The following DCLRE1C variants were observed in gnomAD, a reference collection of about 807,000 sequenced individuals.
DCLRE1C encodes the protein protein artemis.
Under a neutral mutation model 61.4 loss-of-function variants are expected in DCLRE1C, and 47 were observed. That is an observed-to-expected ratio of 0.77 (90% CI 0.61 to 0.98). The LOEUF is 0.98. Ranked by LOEUF, DCLRE1C falls within the 50% of genes least tolerant of loss-of-function variation. DCLRE1C has a pLI of 0.00. For synonymous variants in DCLRE1C, 337 were observed against 287.6 expected (o/e 1.17, Z -1.74); for missense variants, 858 against 816.0 (o/e 1.05, Z -0.63).
In DCLRE1C at chr10:14,934,709, T is replaced by G; in HGVS notation, c.531A>C (p.Pro177=). Residue 177 remains proline, a synonymous_variant, in exon 7 of 14, where the codon CCA becomes CCC. Transcript: ENST00000378278. ...TFCDPRFYQI[P]SREECLSGVL... Reference sequence around the variant, plus strand: ...TTCCTCCAGGCAGACTTACCCGACTTGGAATTTGGTAAAATCTTGGATCAC... The same window carrying G: ...TTCCTCCAGGCAGACTTACCCGACTGGGAATTTGGTAAAATCTTGGATCAC... 1 of 1,613,966 alleles carries G rather than the reference T, an allele frequency of 6.2e-7. No individual in the cohort carries two copies. The highest frequency in any genetic ancestry group is 8.5e-7 in the Non-Finnish European group (1 of 1,179,834).
chr10:14,908,367 G>C lies in DCLRE1C; in HGVS notation c.*41C>G. ...TAATATTGACTGTCATCTCTGTGCA[G>C]GTTTTTTAGTGGTTGCTCTAGGTTG... is the stretch of plus-strand genomic sequence containing the variant. On this transcript the variant is annotated 3_prime_UTR_variant, in exon 14 of 14. Transcript: ENST00000378278. 1 of 1,463,376 alleles carries C rather than the reference G, an allele frequency of 6.8e-7. No homozygotes were observed. The highest frequency in any genetic ancestry group is 9.6e-7 in the Non-Finnish European group (1 of 1,045,672). 90.6% of individuals were successfully genotyped at this position (1,463,376 alleles called of 1,614,324 possible).
chr10:14,953,867 G>T, intron 1 of DCLRE1C, 35 bp downstream of exon 1: 1 of 1,612,420 alleles, frequency 6.2e-7, no homozygotes, highest in South Asian at 1.1e-5. Context: ...AGCCCCCAGC[G>T]CCCCGGGAGC....
Position 14,942,750 on chromosome 10 carries a change from C to T in DCLRE1C, c.246+2355G>A, listed in dbSNP as rs558748581. Reference sequence around the variant, plus strand: ...TGGACATGCCTGGTTTGAACTTCGCCTTAGTGCTAAGGCAGGCATGGGCCT... The same window carrying T: ...TGGACATGCCTGGTTTGAACTTCGCTTTAGTGCTAAGGCAGGCATGGGCCT... On this transcript the variant is annotated intron_variant, in intron 3 of 13. Coordinates refer to ENST00000378278, the MANE Select transcript of DCLRE1C (RefSeq NM_001033855.3). 5.6e-3 allele frequency among the ~76,000 whole-genome samples: 855 copies of T among 152,248 alleles called. 5 individuals carry two copies. The highest frequency in any genetic ancestry group is 0.019 in the African/African-American group (796 of 41,556).
rs1837395942 is a variant in DCLRE1C, at chr10:14,923,130, G to C, written c.973-61C>G. On this transcript the variant is annotated intron_variant, in intron 11 of 13. Coordinates refer to ENST00000378278, the MANE Select transcript of DCLRE1C (RefSeq NM_001033855.3). ...TACGATGAAACAGGTTGTTAGGGGA[G>C]ATAAAGGGAGGCTGGGGAAAGAGAA... is the stretch of plus-strand genomic sequence containing the variant. The C allele has an allele frequency of 2.0e-5, 25 of 1,271,630 alleles. No individual in the cohort carries two copies. In the East Asian group the frequency reaches 5.9e-4, roughly 30 times the overall value. The allele number at this position is 1,271,630 out of a possible 1,614,324, so 78.8% of individuals were successfully genotyped here.
At chr10:14,919,960 C>A in intron 12 of DCLRE1C, 128 bp from the exon 13 acceptor site, 1 of 756,580 alleles carries the variant, frequency 1.3e-6, no homozygotes, top group Non-Finnish European at 2.3e-6. Flanking sequence ...TTAACAAAAT[C>A]TTGACCATAA....
In DCLRE1C at chr10:14,905,365, A is replaced by G. The variant is rs1564352310; in HGVS notation, c.*3043T>C. Among the ~76,000 whole-genome samples the G allele has an allele frequency of 6.6e-6, 1 of 152,264 alleles. No individual in the cohort carries two copies. Among genetic ancestry groups the G allele is most frequent in the Admixed American group, 6.5e-5 (1 of 15,288 alleles). On this transcript the variant is annotated 3_prime_UTR_variant, in exon 14 of 14. Transcript: ENST00000378278. ...CACTCACCAGGTACGTAAACATACT[A>G]TGGTAAGTACTGCCTAGAAATGCAA...
chr10:14,908,441 G>T lies in DCLRE1C; in HGVS notation c.2046C>A (p.Val682=). The T allele has an allele frequency of 6.2e-7, 1 of 1,613,126 alleles. No homozygotes were observed. Among genetic ancestry groups the T allele is most frequent in the Non-Finnish European group, 8.5e-7 (1 of 1,179,798 alleles). Residue 682 remains valine, a synonymous_variant, in exon 14 of 14, where the codon GTC becomes GTA. Coordinates refer to ENST00000378278, the MANE Select transcript of DCLRE1C (RefSeq NM_001033855.3). ...EKLATGESIA[V]KKRKCSLLDT Reference sequence around the variant, plus strand: ...CTAAGAGTGAGCATTTTCTTTTTTTGACTGCTATACTCTCACCAGTTGCCA... The same window carrying T: ...CTAAGAGTGAGCATTTTCTTTTTTTTACTGCTATACTCTCACCAGTTGCCA...
intron 11 of DCLRE1C, 138 bp from the exon 12 acceptor site, chr10:14,923,207 A>G (rs973674372): frequency 1.4e-6 from 1 of 692,870 alleles, no homozygotes; most frequent in Non-Finnish European, 2.6e-6. Flanking sequence ...CGTGGGGATC[A>G]CCAGGGACCT....
At chr10:14,937,712 G>C (rs899214557) in intron 4 of DCLRE1C, among the ~76,000 whole-genome samples, 22 of 151,942 alleles carry the variant, frequency 1.4e-4, no homozygotes, top group Non-Finnish European at 2.9e-4. Context: ...CCAACATGGC[G>C]AAACCCTGTC....
chr10:14,949,834 C>A (rs1006278743), intron 1 of DCLRE1C, among the ~76,000 whole-genome samples: 11 of 145,974 alleles, frequency 7.5e-5, no homozygotes, highest in African/African-American at 2.8e-4. Context: ...CACCTGAGGT[C>A]AGAAGTTCAA....
rs1424239810 is a variant in DCLRE1C at position 14,904,646 on chromosome 10, T to C, written c.*3762A>G. Reference sequence around the variant, plus strand: ...TTTTGTCTTTATTGATAGAATGTAATGGGCCTTTGGGATCTTAAGTACTAC... The same window carrying C: ...TTTTGTCTTTATTGATAGAATGTAACGGGCCTTTGGGATCTTAAGTACTAC... On this transcript the variant is annotated 3_prime_UTR_variant, in exon 14 of 14. Coordinates refer to ENST00000378278, the MANE Select transcript of DCLRE1C (RefSeq NM_001033855.3). Among the ~76,000 whole-genome samples the C allele has an allele frequency of 1.3e-5, 2 of 152,200 alleles. No individual in the cohort carries two copies. The highest frequency in any genetic ancestry group is 2.9e-5 in the Non-Finnish European group (2 of 68,040).
At chr10:14,914,418 C>T (rs1419259654) in intron 13 of DCLRE1C, among the ~76,000 whole-genome samples, 1 of 152,092 alleles carries the variant, frequency 6.6e-6, no homozygotes, top group Non-Finnish European at 1.5e-5. Context: ...TAGGCAAGTC[C>T]ACAATTACAA....
chr10:14,939,710 C>G lies in DCLRE1C; in HGVS notation c.306+100G>C. ...TCAAAGAGAAAGATTGAGGGTATAG[C>G]TGAGGGGTGGAGCATCTGACTGCAA... is the stretch of plus-strand genomic sequence containing the variant. On this transcript the variant is annotated intron_variant, in intron 4 of 13. Coordinates refer to ENST00000378278, the MANE Select transcript of DCLRE1C (RefSeq NM_001033855.3). 3 of 955,136 alleles carry G rather than the reference C, an allele frequency of 3.1e-6. No individual in the cohort carries two copies. In the East Asian group the frequency reaches 8.0e-5, roughly 26 times the overall value. 59.2% of individuals were successfully genotyped at this position (955,136 alleles called of 1,614,324 possible). A position where few individuals can be genotyped will look rare whatever the true frequency, so the allele number is the denominator to read the frequency against.
chr10:14,951,424 A>G, intron 1 of DCLRE1C, among the ~76,000 whole-genome samples: 1 of 137,838 alleles, frequency 7.3e-6, no homozygotes, highest in Non-Finnish European at 1.6e-5. Context: ...AAAAAAAAGG[A>G]AGTGATGTGG....
rs141709630 is a variant in DCLRE1C, at chr10:14,908,347, T to G, written c.*61A>C. ...GTACTGTATTTTCTCTATTGTAATA[T>G]TGACTGTCATCTCTGTGCAGGTTTT... is the stretch of plus-strand genomic sequence containing the variant. On this transcript the variant is annotated 3_prime_UTR_variant, in exon 14 of 14. Coordinates refer to ENST00000378278, the MANE Select transcript of DCLRE1C (RefSeq NM_001033855.3). The G allele has an allele frequency of 7.8e-7, 1 of 1,285,002 alleles. No homozygotes were observed. Among genetic ancestry groups the G allele is most frequent in the Non-Finnish European group, 1.1e-6 (1 of 886,832 alleles). The allele number at this position is 1,285,002 out of a possible 1,614,324, so 79.6% of individuals were successfully genotyped here.
chr10:14,942,586 G>T (rs1413412419), intron 3 of DCLRE1C, among the ~76,000 whole-genome samples: 1 of 152,180 alleles, frequency 6.6e-6, no homozygotes, highest in Admixed American at 6.5e-5. Flanking sequence ...GACAGAGAAT[G>T]AGAAGAAAAC....
In DCLRE1C at chr10:14,908,836, A is replaced by G. The variant is rs779050968; in HGVS notation, c.1651T>C (p.Trp551Arg). Residue 551 changes from tryptophan to arginine, a missense_variant, in exon 14 of 14, where the codon TGG becomes CGG. Trp to Arg is a moderately radical substitution (Grantham distance 101). Coordinates refer to ENST00000378278, the MANE Select transcript of DCLRE1C (RefSeq NM_001033855.3). ...THITEQGSQG[W>R]DSQSDTVLLS... ...AAAACAGTATCAGATTGGCTGTCCC[A>G]GCCTTGACTTCCTTGTTCTGTTATG... The G allele has an allele frequency of 2.5e-6, 4 of 1,614,190 alleles. No homozygotes were observed. In the South Asian group the frequency reaches 4.4e-5, roughly 18 times the overall value.
exon 14 of DCLRE1C, chr10:14,897,684 A>AAATAAAAAACTTTTATATG: frequency 1.8e-6 from 1 of 546,992 alleles, no homozygotes; most frequent in Non-Finnish European, 2.8e-6. Flanking sequence ...GCATATTTAG[A>AAATAAAAAACTTTTATATG]AATAAAAAAC....
Position 14,927,872 on chromosome 10 carries a change from C to T in DCLRE1C, c.917+144G>A, listed in dbSNP as rs184488203. 934 of 501,168 alleles carry T rather than the reference C, an allele frequency of 1.9e-3. 7 individuals are homozygous for T. The highest frequency in any genetic ancestry group is 0.018 in the African/African-American group (873 of 48,148). The allele number at this position is 501,168 out of a possible 1,614,324, so 31.0% of individuals were successfully genotyped here. A position where few individuals can be genotyped will look rare whatever the true frequency, so the allele number is the denominator to read the frequency against. On this transcript the variant is annotated intron_variant, in intron 10 of 13. Transcript: ENST00000378278. Reference sequence around the variant, plus strand: ...ACTGGTTTGGGAGTAGCATCCCCTCCATTTAAATAAAATTTAAATTTAAGA... The same window carrying T: ...ACTGGTTTGGGAGTAGCATCCCCTCTATTTAAATAAAATTTAAATTTAAGA...
Sources: allele counts gnomAD v4.1 joint callset (sites outside exome capture counted in the v4.1 genomes callset), GRCh38; gene constraint gnomAD v4.1.1; transcripts MANE v1.5; gene names NCBI Gene and HGNC (gene_info 2026-07-23, HGNC 2026-07-21).